Variants in VAT1L observed in about 807,000 individuals in gnomAD.
VAT1L encodes the protein vesicle amine transport 1 like.
In VAT1L, 34 loss-of-function variants were observed where a neutral mutation model predicts 44.1. That is an observed-to-expected ratio of 0.77 (90% CI 0.59 to 1.03). VAT1L has a LOEUF of 1.03. VAT1L is among the 50% of genes least tolerant of loss of function. The pLI is 0.00. For missense variants in VAT1L, 615 were observed against 538.8 expected (o/e 1.14, Z -1.40); for synonymous variants, 253 against 202.2 (o/e 1.25, Z -2.13).
rs1163230769 is a variant in VAT1L, at chr16:77,852,029, CT to C, written c.580-10717del. 3.9e-5 allele frequency among the ~76,000 whole-genome samples: 6 copies of C among 152,278 alleles called. No homozygotes were observed. In the East Asian group the frequency reaches 1.2e-3, roughly 29 times the overall value. On this transcript the variant is annotated intron_variant, in intron 3 of 8. Transcript: ENST00000302536. ...TGTTCAAGGCTCCCTTCAGAGCTAG[CT>C]TGCTTTGGGTCTTGTTCTGAAAGCG...
chr16:77,939,509 G>A (rs1163580986), intron 7 of VAT1L, among the ~76,000 whole-genome samples: 4 of 152,178 alleles, frequency 2.6e-5, no homozygotes, highest in Admixed American at 2.0e-4. Flanking sequence ...CATCACATCA[G>A]TGGTAACAGT....
chr16:77,954,672 C>T (rs1176158667), intron 7 of VAT1L, among the ~76,000 whole-genome samples: 1 of 152,170 alleles, frequency 6.6e-6, no homozygotes, highest in East Asian at 1.9e-4. Context: ...CTCTCAGGGG[C>T]ATCTTAGCCA....
intron 7 of VAT1L, among the ~76,000 whole-genome samples, chr16:77,963,391 G>A (rs1567523831): frequency 6.6e-6 from 1 of 152,138 alleles, no homozygotes; most frequent in Non-Finnish European, 1.5e-5. Context: ...AAATGCAAGG[G>A]CTTCTTCTAA....
At chr16:77,811,150 A>T (rs1229947167) in intron 1 of VAT1L, among the ~76,000 whole-genome samples, 1 of 152,176 alleles carries the variant, frequency 6.6e-6, no homozygotes. Context: ...GATGCTGAGG[A>T]TACTGACAAC....
intron 1 of VAT1L, among the ~76,000 whole-genome samples, chr16:77,812,257 G>A (rs2016278413): frequency 6.6e-6 from 1 of 152,096 alleles, no homozygotes; most frequent in South Asian, 2.1e-4. Context: ...ATTTTTAGTA[G>A]AGATAGGGTT....
intron 4 of VAT1L, among the ~76,000 whole-genome samples, chr16:77,865,660 G>A (rs1188770702): frequency 6.6e-6 from 1 of 152,192 alleles, no homozygotes; most frequent in Non-Finnish European, 1.5e-5. Context: ...CGCAGAGTGG[G>A]ATTTTGGCTG....
chr16:77,801,912 A>C (rs1022437475), intron 1 of VAT1L, among the ~76,000 whole-genome samples: 2 of 152,152 alleles, frequency 1.3e-5, no homozygotes, highest in African/African-American at 2.4e-5. Flanking sequence ...TGGGGACCTC[A>C]TAATAAACTC....
intron 7 of VAT1L, among the ~76,000 whole-genome samples, chr16:77,926,321 A>C (rs1020882783): frequency 6.6e-6 from 1 of 151,556 alleles, no homozygotes; most frequent in Non-Finnish European, 1.5e-5. Context: ...GGTGGTGCAC[A>C]CCTGTAATCC....
chr16:77,964,554 T>TAATC (rs1466153157), intron 7 of VAT1L, among the ~76,000 whole-genome samples: 1 of 152,110 alleles, frequency 6.6e-6, no homozygotes, highest in African/African-American at 2.4e-5. Context: ...TAATGCAGGA[T>TAATC]AATCCCCCAT....
intron 2 of VAT1L, among the ~76,000 whole-genome samples, chr16:77,822,005 G>T (rs1270470710): frequency 8.5e-5 from 13 of 152,206 alleles, no homozygotes; most frequent in Non-Finnish European, 1.9e-4. Flanking sequence ...TTTCCAGCAT[G>T]CCCATAAGGG....
intron 4 of VAT1L, among the ~76,000 whole-genome samples, chr16:77,867,350 A>G (rs1305507218): frequency 2.6e-5 from 4 of 152,180 alleles, no homozygotes; most frequent in Non-Finnish European, 5.9e-5. Context: ...CTGTATGTCA[A>G]TTATATCTCA....
At chr16:77,849,130 G>C (rs923808046) in intron 3 of VAT1L, among the ~76,000 whole-genome samples, 1 of 152,114 alleles carries the variant, frequency 6.6e-6, no homozygotes, top group African/African-American at 2.4e-5. Flanking sequence ...CATGGCACGT[G>C]TATGCCTATG....
chr16:77,892,066 C>T (rs181346272), intron 7 of VAT1L, among the ~76,000 whole-genome samples: 13 of 152,204 alleles, frequency 8.5e-5, no homozygotes, highest in African/African-American at 2.2e-4. Flanking sequence ...AACAAGACTC[C>T]GTCTCAAAGA....
At position 77,825,864 on chromosome 16, in the gene VAT1L, A is replaced by AT. The variant is rs1225997452; in HGVS notation, c.579+403_579+404insT. Among the ~76,000 whole-genome samples the AT allele has an allele frequency of 1.5e-3, 222 of 150,282 alleles. 2 individuals are homozygous for AT. Among genetic ancestry groups the AT allele is most frequent in the African/African-American group, 4.4e-3 (179 of 40,918 alleles). ...ACCCCGTCTCTACTAAAAATAAAAA[A>AT]AAAAAAAAATTAGCCGGGCGTAGTG... On this transcript the variant is annotated intron_variant, in intron 3 of 8. Coordinates refer to ENST00000302536, the MANE Select transcript of VAT1L (RefSeq NM_020927.3).
At chr16:77,897,912 G>A (rs1318247102) in intron 7 of VAT1L, among the ~76,000 whole-genome samples, 1 of 152,166 alleles carries the variant, frequency 6.6e-6, no homozygotes, top group East Asian at 1.9e-4. Flanking sequence ...GAGTTTGCTA[G>A]GGCTGTTGTA....
intron 7 of VAT1L, among the ~76,000 whole-genome samples, chr16:77,969,542 C>T (rs2142542723): frequency 6.6e-6 from 1 of 152,182 alleles, no homozygotes; most frequent in Admixed American, 6.5e-5. Context: ...GGGCAGCTCA[C>T]AACATGGCAG....
chr16:77,835,432 C>T (rs2016629105), intron 3 of VAT1L, among the ~76,000 whole-genome samples: 2 of 152,286 alleles, frequency 1.3e-5, no homozygotes, highest in African/African-American at 2.4e-5. Context: ...AGCATCACTC[C>T]ATCCATCATC....
chr16:77,876,782 A>G (rs2017091798), intron 5 of VAT1L, among the ~76,000 whole-genome samples: 1 of 152,234 alleles, frequency 6.6e-6, no homozygotes, highest in South Asian at 2.1e-4. Context: ...GGAAAATATG[A>G]ATGACTTCAA....
intron 7 of VAT1L, among the ~76,000 whole-genome samples, chr16:77,946,279 C>CTTTTTGT (rs2017963665): frequency 1.4e-5 from 1 of 70,428 alleles, no homozygotes; most frequent in Non-Finnish European, 2.5e-5. Context: ...GTTACTTGTT[C>CTTTTTGT]TTTTTTTTTT....
Sources: allele counts gnomAD v4.1 joint callset (sites outside exome capture counted in the v4.1 genomes callset), GRCh38; gene constraint gnomAD v4.1.1; transcripts MANE v1.5; gene names NCBI Gene and HGNC (gene_info 2026-07-23, HGNC 2026-07-21).